The following CNKSR3 variants were observed in gnomAD, a reference collection of about 807,000 sequenced individuals.
CNKSR3 encodes CNKSR family member 3, also known as connector enhancer of kinase suppressor of ras 3.
A neutral mutation model predicts 67.7 loss-of-function variants in CNKSR3; 36 were observed. The observed-to-expected ratio is 0.53, with a 90% CI of 0.41 to 0.70. The LOEUF is 0.70. Ranked by LOEUF, CNKSR3 falls within the 30% of genes least tolerant of loss-of-function variation. The pLI is 0.00. For synonymous variants in CNKSR3, 281 were observed against 271.4 expected (o/e 1.04, Z -0.35); for missense variants, 630 against 695.2 (o/e 0.91, Z 1.05).
Position 154,398,011 on chromosome 6 carries a change from G to A in CNKSR3, c.*8343C>T, listed in dbSNP as rs1784679070. 6.6e-6 allele frequency: 1 copy of A among 152,248 alleles called. No homozygotes were observed. The highest frequency in any genetic ancestry group is 2.4e-5 in the African/African-American group (1 of 41,456). The allele number at this position is 152,248 out of a possible 1,614,324, so 9.4% of individuals were successfully genotyped here. ...GTCCTCAGGGCATTGCAACCCATTA[G>A]GCTGAATCATATGAACTGCAGATTA... On this transcript the variant is annotated 3_prime_UTR_variant, in exon 13 of 13. Coordinates refer to ENST00000607772, the MANE Select transcript of CNKSR3 (RefSeq NM_173515.4).
chr6:154,506,360 CAAAA>C (rs1405067356), intron 1 of CNKSR3, among the ~76,000 whole-genome samples: 1 of 152,060 alleles, frequency 6.6e-6, no homozygotes, highest in East Asian at 1.9e-4. Context: ...AGAAAAGAAA[CAAAA>C]GAAGGAAAAA....
chr6:154,441,142 C>G (rs1044003726), intron 4 of CNKSR3, 150 bp downstream of exon 4: 19 of 535,998 alleles, frequency 3.5e-5, no homozygotes, highest in Non-Finnish European at 6.5e-6. Flanking sequence ...TAATTTAAAG[C>G]CTTTCATCTC....
intron 4 of CNKSR3, among the ~76,000 whole-genome samples, chr6:154,435,184 C>A (rs118171521): frequency 6.6e-6 from 1 of 151,846 alleles, no homozygotes; most frequent in Non-Finnish European, 1.5e-5. Context: ...TTTGTAGAGA[C>A]GGGGTTTCAC....
In CNKSR3 at chr6:154,433,604, A is replaced by G. The variant is rs1005676560; in HGVS notation, c.508-97T>C. 3 of 860,058 alleles carry G rather than the reference A, an allele frequency of 3.5e-6. No individual in the cohort carries two copies. In the African/African-American group the frequency reaches 5.0e-5, roughly 14 times the overall value. The allele number at this position is 860,058 out of a possible 1,614,324, so 53.3% of individuals were successfully genotyped here. A position where few individuals can be genotyped will look rare whatever the true frequency, so the allele number is the denominator to read the frequency against. ...TTCTAGACATTTTCTGCAGCTCAAG[A>G]CGGTCCCTGACACACCCGTCAGCCT... On this transcript the variant is annotated intron_variant, in intron 4 of 12. Coordinates refer to ENST00000607772, the MANE Select transcript of CNKSR3 (RefSeq NM_173515.4).
At chr6:154,448,228 G>A (rs1785747028) in intron 2 of CNKSR3, among the ~76,000 whole-genome samples, 2 of 152,030 alleles carry the variant, frequency 1.3e-5, no homozygotes, top group South Asian at 4.1e-4. Flanking sequence ...AGAGGCAGCT[G>A]TTACGTTTAT....
Position 154,406,448 on chromosome 6 carries a change from T to G in CNKSR3, c.1574A>C (p.Lys525Thr). The G allele has an allele frequency of 6.2e-7, 1 of 1,614,162 alleles. No individual in the cohort carries two copies. The highest frequency in any genetic ancestry group is 8.5e-7 in the Non-Finnish European group (1 of 1,180,038). The change falls in exon 13 of 13, where the codon AAA becomes ACA. Residue 525 changes from lysine (K) to threonine (T), a missense_variant. By Grantham distance (78) the Lys-to-Thr change is moderately conservative. This residue lies in a region of CNKSR3 where 308 missense variants were observed against 299.6 expected (regional missense o/e 1.03). Transcript: ENST00000607772. ...ATIPFQEEGT[K>T]KKSGSSATKS... Reference sequence around the variant, plus strand: ...CGTAGCTGAGGAGCCAGATTTCTTTTTGGTCCCTTCCTCCTGGAATGGAAT... The same window carrying G: ...CGTAGCTGAGGAGCCAGATTTCTTTGTGGTCCCTTCCTCCTGGAATGGAAT...
intron 1 of CNKSR3, among the ~76,000 whole-genome samples, chr6:154,502,687 C>G (rs1410112166): frequency 6.6e-6 from 1 of 152,212 alleles, no homozygotes; most frequent in Non-Finnish European, 1.5e-5. Flanking sequence ...AACTGCCTTC[C>G]TGTGCATCTC....
intron 1 of CNKSR3, among the ~76,000 whole-genome samples, chr6:154,460,456 G>C (rs1049921561): frequency 8.6e-5 from 13 of 152,006 alleles, no homozygotes; most frequent in Non-Finnish European, 1.8e-4. Flanking sequence ...CAAAATGAGA[G>C]ACTCTAAAGA....
intron 9 of CNKSR3, among the ~76,000 whole-genome samples, chr6:154,415,112 A>AC (rs879688936): frequency 0.26 from 38,048 of 148,736 alleles, 5,974 homozygotes; most frequent in Non-Finnish European, 0.34. Flanking sequence ...AAAAAAAAAA[A>AC]AAAAAAAAAA....
intron 4 of CNKSR3, among the ~76,000 whole-genome samples, chr6:154,437,037 AG>A (rs1387179726): frequency 1.3e-5 from 2 of 152,140 alleles, no homozygotes; most frequent in African/African-American, 4.8e-5. Flanking sequence ...AAGAAGAAGA[AG>A]GGGGGACGGC....
At chr6:154,432,280 G>C (rs1785386177) in intron 5 of CNKSR3, among the ~76,000 whole-genome samples, 2 of 152,032 alleles carry the variant, frequency 1.3e-5, no homozygotes, top group Admixed American at 6.5e-5. Context: ...TCTCTTCATA[G>C]GCTTATTTGC....
In CNKSR3 at chr6:154,400,895, G is replaced by T; in HGVS notation, c.*5459C>A. On this transcript the variant is annotated 3_prime_UTR_variant, in exon 13 of 13. Transcript: ENST00000607772. Reference sequence around the variant, plus strand: ...TAAAAGGTAAATTTTACAGTAAAGAGACTAATTTTTTTCTAATTCCATATG... The same window carrying T: ...TAAAAGGTAAATTTTACAGTAAAGATACTAATTTTTTTCTAATTCCATATG... 1 of 152,076 alleles carries T rather than the reference G, an allele frequency of 6.6e-6. No homozygotes were observed. Among genetic ancestry groups the T allele is most frequent in the Admixed American group, 6.5e-5 (1 of 15,284 alleles). 9.4% of individuals were successfully genotyped at this position (152,076 alleles called of 1,614,324 possible).
In CNKSR3 at chr6:154,488,072, C is replaced by T. The variant is rs139030463; in HGVS notation, c.52+21991G>A. 4.2e-4 allele frequency among the ~76,000 whole-genome samples: 64 copies of T among 152,288 alleles called. 1 individual carries two copies. The highest frequency in any genetic ancestry group is 1.4e-3 in the African/African-American group (59 of 41,568). On this transcript the variant is annotated intron_variant, in intron 1 of 12. Coordinates refer to ENST00000607772, the MANE Select transcript of CNKSR3 (RefSeq NM_173515.4). ...TCACTATAACTTTAGATCTGTAAAG[C>T]GCAAACAAAACTAGCAATAACAACG...
At chr6:154,438,004 A>G (rs1054635602) in intron 4 of CNKSR3, among the ~76,000 whole-genome samples, 1 of 150,884 alleles carries the variant, frequency 6.6e-6, no homozygotes. Context: ...TGTGCTTTTC[A>G]CATGTTGTAT....
At chr6:154,474,899 G>A (rs6939833) in intron 1 of CNKSR3, among the ~76,000 whole-genome samples, 1,546 of 152,312 alleles carry the variant, frequency 0.01, 36 homozygotes, top group African/African-American at 0.035. Flanking sequence ...GACAGTGGCT[G>A]TGAGTGAGTC....
chr6:154,415,988 T>G (rs1271429905), intron 9 of CNKSR3, among the ~76,000 whole-genome samples: 1 of 152,204 alleles, frequency 6.6e-6, no homozygotes, highest in East Asian at 1.9e-4. Flanking sequence ...CATAAAAAGG[T>G]ACCCTTAGGC....
At chr6:154,484,695 CA>C (rs1166789172) in intron 1 of CNKSR3, among the ~76,000 whole-genome samples, 1,360 of 65,512 alleles carry the variant, frequency 0.021, 16 homozygotes, top group African/African-American at 0.052. Flanking sequence ...GAGCAAGACT[CA>C]AAAAAAAAAA....
chr6:154,448,345 A>G (rs1785750663), intron 2 of CNKSR3, among the ~76,000 whole-genome samples: 1 of 151,590 alleles, frequency 6.6e-6, no homozygotes, highest in South Asian at 2.1e-4. Flanking sequence ...TGCAAAGTGA[A>G]AGAGACAATT....
intron 1 of CNKSR3, among the ~76,000 whole-genome samples, chr6:154,452,516 C>T (rs1295045101): frequency 6.6e-6 from 1 of 152,106 alleles, no homozygotes; most frequent in African/African-American, 2.4e-5. Context: ...TCATGATTTT[C>T]TCTTCTCTCT....
Sources: gnomAD v4.1 joint callset for allele counts (sites outside exome capture counted in the v4.1 genomes callset) on GRCh38, gnomAD v4.1.1 for gene constraint, gnomAD v4.1.1 regional missense constraint, MANE v1.5 for transcripts, NCBI Gene and HGNC (gene_info 2026-07-23, HGNC 2026-07-21) for gene names.